Variants in SYNE3 observed in about 807,000 individuals in gnomAD.
The protein encoded by SYNE3 is spectrin repeat containing nuclear envelope family member 3.
A neutral mutation model predicts 111.2 loss-of-function variants in SYNE3; 100 were observed. That is an observed-to-expected ratio of 0.90 (90% CI 0.77 to 1.06). The LOEUF (loss-of-function observed/expected upper bound fraction) is 1.06, where lower values mean the gene tolerates loss of function less well. SYNE3 is among the 50% of genes least tolerant of loss of function. SYNE3 has a pLI of 0.00. For missense variants in SYNE3, 1,160 were observed against 1,240.3 expected (o/e 0.94, Z 0.97); for synonymous variants, 547 against 533.9 (o/e 1.02, Z -0.34).
chr14:95,516,565 A>AGGCCT (rs1208889811), intron 1 of SYNE3, among the ~76,000 whole-genome samples, 31 bp downstream of exon 1: 3 of 39,562 alleles, frequency 7.6e-5, no homozygotes, highest in Non-Finnish European at 1.2e-4. Context: ...CCCCGGCCCC[A>AGGCCT]GGCCTGGCCT....
rs202102077 is a variant in SYNE3 at position 95,470,996 on chromosome 14, G to C, written c.145-3029C>G. ...CGCCGTCTCAGGAAAAAAAAAAAAA[G>C]AAAGTAAGATGATATTTCTGATTCC... On this transcript the variant is annotated intron_variant, in intron 2 of 17. Transcript: ENST00000682763. The surrounding 1 kb of genome is among the most constrained non-coding windows in gnomAD (Gnocchi z 4.2). Among the ~76,000 whole-genome samples, 1 of 86,602 alleles carries C rather than the reference G, an allele frequency of 1.2e-5. No homozygotes were observed. The highest frequency in any genetic ancestry group is 2.8e-5 in the Non-Finnish European group (1 of 35,538). The allele number at this position is 86,602 out of a possible 152,430, so 56.8% of individuals were successfully genotyped here.
rs540783334 is a variant in SYNE3 at position 95,470,686 on chromosome 14, G to A, written c.145-2719C>T. On this transcript the variant is annotated intron_variant, in intron 2 of 17. Coordinates refer to ENST00000682763, the MANE Select transcript of SYNE3 (RefSeq NM_152592.6). The surrounding 1 kb of genome is among the most constrained non-coding windows in gnomAD (Gnocchi z 4.2). ...AAAATAAGAAAAAAAAGAGCCGGAT[G>A]TGGTGGCTCACGCCTGTAATCCCAA... Among the ~76,000 whole-genome samples the A allele has an allele frequency of 4.2e-4, 63 of 151,414 alleles. No individual in the cohort carries two copies. Among genetic ancestry groups the A allele is most frequent in the African/African-American group, 1.5e-3 (62 of 41,178 alleles).
chr14:95,457,307 C>T lies in SYNE3; in HGVS notation c.659G>A (p.Arg220Gln), dbSNP rs74082143. Residue 220 changes from arginine to glutamine, a missense_variant, in exon 5 of 18, where the codon CGG becomes CAG. Transcript: ENST00000682763. ...ACCTGCCTGGTACTCCTCATGCTCC[C>T]GGGCCACCTGCTCCAGCAGATCTAC... ...KRVDLLEQVA[R>Q]EHEEYQAGVD... 3,411 of 1,603,862 alleles carry T rather than the reference C, an allele frequency of 2.1e-3. 71 individuals are homozygous for T. The African/African-American group carries it at 0.041, about 19-fold the overall frequency.
At chr14:95,503,667 G>A (rs1380496965) in intron 1 of SYNE3, among the ~76,000 whole-genome samples, 1 of 134,350 alleles carries the variant, frequency 7.4e-6, no homozygotes, top group African/African-American at 2.9e-5. Flanking sequence ...TGCCCAGGCT[G>A]GAGCACAGTG....
rs1308907206 is a variant in SYNE3 at position 95,485,087 on chromosome 14, C to T, written c.-14-9252G>A. ...TGGGCTTGGAGGATGTCTCAGCCTCCCGTAGATGAGAACAGATGATTCTAA... is the reference window on the plus strand; with the variant it reads ...TGGGCTTGGAGGATGTCTCAGCCTCTCGTAGATGAGAACAGATGATTCTAA... On this transcript the variant is annotated intron_variant, in intron 1 of 17. Coordinates refer to ENST00000682763, the MANE Select transcript of SYNE3 (RefSeq NM_152592.6). This position sits in a 1 kb window ranked among gnomAD's most constrained non-coding sequence, Gnocchi z 4.3. Among the ~76,000 whole-genome samples, 14 of 152,116 alleles carry T rather than the reference C, an allele frequency of 9.2e-5. No individual in the cohort carries two copies. The highest frequency in any genetic ancestry group is 7.3e-5 in the Non-Finnish European group (5 of 68,028).
Position 95,433,246 on chromosome 14 carries a change from T to C in SYNE3, c.2688+14A>G. On this transcript the variant is annotated intron_variant, in intron 16 of 17. Coordinates refer to ENST00000682763, the MANE Select transcript of SYNE3 (RefSeq NM_152592.6). ...GTCCCTGGAATCTGGGACCTGCACATCCTTGGCACCTACCAGCAGGTGGCC... is the reference window on the plus strand; with the variant it reads ...GTCCCTGGAATCTGGGACCTGCACACCCTTGGCACCTACCAGCAGGTGGCC... The C allele has an allele frequency of 6.2e-7, 1 of 1,612,706 alleles. No individual in the cohort carries two copies. Among genetic ancestry groups the C allele is most frequent in the Non-Finnish European group, 8.5e-7 (1 of 1,179,166 alleles).
In SYNE3 at chr14:95,443,244, C is replaced by A; in HGVS notation, c.1822G>T (p.Ala608Ser). The A allele has an allele frequency of 6.2e-7, 1 of 1,614,240 alleles. No individual in the cohort carries two copies. Among genetic ancestry groups the A allele is most frequent in the Non-Finnish European group, 8.5e-7 (1 of 1,180,038 alleles). The stretch of plus-strand genomic sequence containing the variant: ...GGGTTCTCCTGGACCAGAGGCCTTG[C>A]AGCCTCCATCTGTGCCCCCAAGTCC... ...GLDLGAQMEAARPLVQENPNH... is the reference protein window; with the variant it reads ...GLDLGAQMEASRPLVQENPNH... Residue 608 changes from alanine to serine, a missense_variant, in exon 11 of 18, where the codon GCA becomes TCA. Transcript: ENST00000682763.
At position 95,432,087 on chromosome 14, in the gene SYNE3, A is replaced by T; in HGVS notation, c.2719T>A (p.Phe907Ile). Reference sequence around the variant, plus strand: ...GATGGCAGACACTGTACCTTTTGGAATCCAGTCGGCTCCCCTGGAGAACTT... The same window carrying T: ...GATGGCAGACACTGTACCTTTTGGATTCCAGTCGGCTCCCCTGGAGAACTT... ...TQSSPGEPTG[F>I]QKTRRWRGLG... Residue 907 changes from phenylalanine (F) to isoleucine (I), a missense_variant, in exon 17 of 18, where the codon TTC becomes ATC. Physicochemically the swap from Phe to Ile is conservative, Grantham distance 21 (BLOSUM62 0). Transcript: ENST00000682763. 4 of 1,612,558 alleles carry T rather than the reference A, an allele frequency of 2.5e-6. No individual in the cohort carries two copies. The highest frequency in any genetic ancestry group is 1.7e-5 in the Admixed American group (1 of 59,836).
chr14:95,439,081 T>C lies in SYNE3; in HGVS notation c.2328A>G (p.Ser776=). ...GATCCATGGGATTGATGAGAAATCCTGACTTTGGGATGTTGTTGGTGAAAA... is the reference window on the plus strand; with the variant it reads ...GATCCATGGGATTGATGAGAAATCCCGACTTTGGGATGTTGTTGGTGAAAA... ...KMVFTNNIPK[S]GFLINPMDPI... The change falls in exon 14 of 18, where the codon TCA becomes TCG. Residue 776 remains serine, a synonymous_variant. Coordinates refer to ENST00000682763, the MANE Select transcript of SYNE3 (RefSeq NM_152592.6). 6.2e-7 allele frequency: 1 copy of C among 1,614,274 alleles called. No homozygotes were observed. The highest frequency in any genetic ancestry group is 8.5e-7 in the Non-Finnish European group (1 of 1,180,044).
At chr14:95,483,785 T>G (rs1889394085) in intron 1 of SYNE3, among the ~76,000 whole-genome samples, 1 of 152,296 alleles carries the variant, frequency 6.6e-6, no homozygotes, top group South Asian at 2.1e-4. Context: ...GTTAAGGGAC[T>G]GCACCAAAGC....
intron 7 of SYNE3, chr14:95,451,235 A>T (rs1887054952): frequency 6.6e-6 from 1 of 152,272 alleles, no homozygotes; most frequent in Non-Finnish European, 1.5e-5. Flanking sequence ...ATGACCAAGG[A>T]ATACAAGCCT....
chr14:95,511,469 G>A (rs1010516416), intron 1 of SYNE3, among the ~76,000 whole-genome samples: 1 of 152,164 alleles, frequency 6.6e-6, no homozygotes, highest in Non-Finnish European at 1.5e-5. Context: ...GGGAGACCGA[G>A]GTGGGTGGAT....
At chr14:95,443,122 G>T in intron 11 of SYNE3, 33 bp downstream of exon 11, 1 of 1,612,548 alleles carries the variant, frequency 6.2e-7, no homozygotes, top group Non-Finnish European at 8.5e-7. Context: ...CCGGCTCTCT[G>T]TCAAAGCACA....
rs940375831 is a variant in SYNE3 at position 95,418,643 on chromosome 14, G to A, written c.2728-617C>T. On this transcript the variant is annotated intron_variant, in intron 17 of 17. Transcript: ENST00000682763. ...CTTTGAGATGGAGTCTCGCTCTGTC[G>A]CCCAGGCTGGAGTTCAGTGGTGTGA... 1.2e-3 allele frequency among the ~76,000 whole-genome samples: 175 copies of A among 148,890 alleles called. 1 individual carries two copies. Among genetic ancestry groups the A allele is most frequent in the Non-Finnish European group, 1.9e-3 (129 of 67,500 alleles).
intron 4 of SYNE3, among the ~76,000 whole-genome samples, chr14:95,459,146 A>C (rs1163086566): frequency 6.6e-6 from 1 of 152,256 alleles, no homozygotes; most frequent in Non-Finnish European, 1.5e-5. Context: ...GCCCATGAGT[A>C]GCCACAGATA....
intron 1 of SYNE3, among the ~76,000 whole-genome samples, chr14:95,477,667 G>A (rs920185882): frequency 4.6e-5 from 7 of 152,146 alleles, no homozygotes; most frequent in Non-Finnish European, 8.8e-5. Context: ...AGGGGGAGGT[G>A]GGCGACGTAG....
intron 16 of SYNE3, among the ~76,000 whole-genome samples, chr14:95,432,883 G>T (rs1027814375): frequency 1.3e-5 from 2 of 152,062 alleles, no homozygotes; most frequent in South Asian, 4.1e-4. Context: ...GTTTTTCACT[G>T]CTTGGAGTCT....
rs1903331290 is a variant in SYNE3, at chr14:95,408,124, C to T, written c.*9702G>A. The T allele has an allele frequency of 6.6e-6, 1 of 152,114 alleles. No homozygotes were observed. Among genetic ancestry groups the T allele is most frequent in the Admixed American group, 6.6e-5 (1 of 15,264 alleles). 9.4% of individuals were successfully genotyped at this position (152,114 alleles called of 1,614,324 possible). A position where few individuals can be genotyped will look rare whatever the true frequency, so the allele number is the denominator to read the frequency against. Reference sequence around the variant, plus strand: ...CATGAGCAGGCCAAACTCACTCTACCCGACCTGCTGCCTCCAGGATGGGTT... The same window carrying T: ...CATGAGCAGGCCAAACTCACTCTACTCGACCTGCTGCCTCCAGGATGGGTT... On this transcript the variant is annotated 3_prime_UTR_variant, in exon 18 of 18. Transcript: ENST00000682763.
chr14:95,476,467 G>A (rs929222572), intron 1 of SYNE3, among the ~76,000 whole-genome samples: 6 of 152,206 alleles, frequency 3.9e-5, no homozygotes, highest in Admixed American at 6.5e-5. Flanking sequence ...CATAATGCTC[G>A]AGATGCAACC....
Sources: allele counts gnomAD v4.1 joint callset (sites outside exome capture counted in the v4.1 genomes callset), GRCh38; gene constraint gnomAD v4.1.1; non-coding constraint Gnocchi (gnomAD v3.1); transcripts MANE v1.5; gene names NCBI Gene and HGNC (gene_info 2026-07-23, HGNC 2026-07-21).